Variants in LARGE1 observed in about 807,000 individuals in gnomAD.
LARGE1 encodes the protein xylosyl- and glucuronyltransferase LARGE1.
A neutral mutation model predicts 87.6 loss-of-function variants in LARGE1; 43 were observed. The observed-to-expected ratio is 0.49, with a 90% confidence interval of 0.38 to 0.63. LARGE1 has a LOEUF of 0.63. Among genes scored for constraint, LARGE1 ranks in the 30% least tolerant of loss-of-function variants. The pLI is 0.00. For synonymous variants in LARGE1, 434 were observed against 394.6 expected, an observed-to-expected ratio of 1.10 and a Z score of -1.18; for missense variants, 802 against 1,000.2, an observed-to-expected ratio of 0.80 and a Z score of 2.67.
chr22:33,746,634 G>A (rs563333575), intron 2 of LARGE1, among the ~76,000 whole-genome samples: 2 of 152,316 alleles, frequency 1.3e-5, no homozygotes, highest in African/African-American at 4.8e-5. Context: ...AAGGAAGTAT[G>A]CTATATAAAT....
At chr22:33,649,970 A>C (rs964221123) in intron 3 of LARGE1, among the ~76,000 whole-genome samples, 12 of 152,220 alleles carry the variant, frequency 7.9e-5, no homozygotes, top group Non-Finnish European at 1.5e-5. Context: ...GAGGTCTAAG[A>C]AAACTGCCCA....
chr22:33,396,285 C>T (rs901594927), intron 7 of LARGE1, among the ~76,000 whole-genome samples: 4 of 152,162 alleles, frequency 2.6e-5, no homozygotes, highest in African/African-American at 9.7e-5. Context: ...ATTCATAATC[C>T]AACAGAAAGT....
intron 6 of LARGE1, among the ~76,000 whole-genome samples, chr22:33,462,169 C>A (rs1258860394): frequency 2.6e-5 from 4 of 152,008 alleles, no homozygotes; most frequent in Admixed American, 6.5e-5. Flanking sequence ...ATAAATGTTG[C>A]AGAAGTAAAA....
chr22:33,732,980 C>T (rs1275704526), intron 2 of LARGE1: 2 of 152,440 alleles, frequency 1.3e-5, no homozygotes, highest in African/African-American at 2.4e-5. Flanking sequence ...TCAAGCCCTT[C>T]CTGATGACCA....
At chr22:33,232,823 T>C (rs905028480) in intron 11 of LARGE1, among the ~76,000 whole-genome samples, 1 of 152,172 alleles carries the variant, frequency 6.6e-6, no homozygotes, top group African/African-American at 2.4e-5. Context: ...GCTTGACTTA[T>C]GGACTCATAA....
intron 2 of LARGE1, among the ~76,000 whole-genome samples, chr22:33,754,537 C>G (rs573232025): frequency 5.3e-5 from 8 of 151,984 alleles, no homozygotes; most frequent in Non-Finnish European, 1.2e-4. Flanking sequence ...GGGGTTTCAC[C>G]GTATTCGCCA....
intron 6 of LARGE1, among the ~76,000 whole-genome samples, chr22:33,453,225 G>A (rs1028677405): frequency 6.6e-6 from 1 of 152,136 alleles, no homozygotes; most frequent in Non-Finnish European, 1.5e-5. Flanking sequence ...GACCAGCCTG[G>A]CCAATATGGT....
At chr22:33,515,384 G>T (rs1285478655) in intron 6 of LARGE1, among the ~76,000 whole-genome samples, 3 of 152,150 alleles carry the variant, frequency 2.0e-5, no homozygotes, top group African/African-American at 7.2e-5. Context: ...CATCCCTGCA[G>T]ACATCACATC....
chr22:33,766,938 A>ACTTCC, intron 1 of LARGE1, among the ~76,000 whole-genome samples: 1 of 30,914 alleles, frequency 3.2e-5, no homozygotes, highest in African/African-American at 1.1e-4. Flanking sequence ...ATATATATAT[A>ACTTCC]TATATATATA....
At chr22:33,158,184 A>G (rs1921925744), downstream of LARGE1, among the ~76,000 whole-genome samples, 1 of 152,196 alleles carries the variant, frequency 6.6e-6, no homozygotes, top group African/African-American at 2.4e-5. Context: ...GTGATGTGGT[A>G]TAATATTATT....
intron 7 of LARGE1, among the ~76,000 whole-genome samples, chr22:33,399,141 C>G (rs562387061): frequency 6.6e-6 from 1 of 152,094 alleles, no homozygotes; most frequent in African/African-American, 2.4e-5. Context: ...CGCTTCCCCC[C>G]GCCCCGACCA....
At chr22:33,539,253 A>G (rs575492052) in intron 6 of LARGE1, among the ~76,000 whole-genome samples, 2 of 102,756 alleles carry the variant, frequency 1.9e-5, no homozygotes, top group Non-Finnish European at 4.4e-5. Context: ...TTTCTGATTA[A>G]AAGAAAAAAA....
chr22:33,648,835 T>G (rs1014141048), intron 3 of LARGE1, among the ~76,000 whole-genome samples: 2 of 152,178 alleles, frequency 1.3e-5, no homozygotes, highest in African/African-American at 4.8e-5. Flanking sequence ...ATGACAGATG[T>G]AAGAACCAGA....
In LARGE1 at chr22:33,841,511, C is replaced by G. The variant is rs887247767; in HGVS notation, c.-83+78484G>C. 7.9e-5 allele frequency among the ~76,000 whole-genome samples: 12 copies of G among 152,302 alleles called. No homozygotes were observed. The East Asian group carries it at 2.1e-3, about 27-fold the overall frequency. Reference sequence around the variant, plus strand: ...AAGACAGCTACTAGGTTGGATGTAGCTACAATATCCGCAGCTCCAACCTCT... The same window carrying G: ...AAGACAGCTACTAGGTTGGATGTAGGTACAATATCCGCAGCTCCAACCTCT... On this transcript the variant is annotated intron_variant, in intron 1 of 14. Transcript: ENST00000397394.
the LARGE1 span, among the ~76,000 whole-genome samples, chr22:33,074,849 C>T: frequency 6.6e-6 from 1 of 152,142 alleles, no homozygotes; most frequent in East Asian, 1.9e-4. Flanking sequence ...AGCATGTTTT[C>T]TATATATTTG....
At chr22:33,295,868 G>T (rs776796697) in intron 12 of LARGE1, among the ~76,000 whole-genome samples, 1 of 152,178 alleles carries the variant, frequency 6.6e-6, no homozygotes, top group South Asian at 2.1e-4. Context: ...AGCAAGATCC[G>T]GTGATTCCTT....
At chr22:33,820,530 C>T (rs941986078) in intron 1 of LARGE1, among the ~76,000 whole-genome samples, 1 of 151,994 alleles carries the variant, frequency 6.6e-6, no homozygotes, top group South Asian at 2.1e-4. Context: ...TCTCGTGGTG[C>T]TGCCCAAAGT....
At chr22:33,897,845 T>A (rs1369976162) in intron 1 of LARGE1, among the ~76,000 whole-genome samples, 1 of 152,168 alleles carries the variant, frequency 6.6e-6, no homozygotes, top group African/African-American at 2.4e-5. Flanking sequence ...GGTTTTCCCA[T>A]CATTGTTTTA....
At chr22:33,277,664 G>A (rs962607939) in intron 13 of LARGE1, among the ~76,000 whole-genome samples, 1 of 152,174 alleles carries the variant, frequency 6.6e-6, no homozygotes, top group Admixed American at 6.5e-5. Flanking sequence ...AGGACCTCAG[G>A]GAAGAAGCAT....
Sources: allele counts gnomAD v4.1 joint callset (sites outside exome capture counted in the v4.1 genomes callset), GRCh38; gene constraint gnomAD v4.1.1; transcripts MANE v1.5; gene names NCBI Gene and HGNC (gene_info 2026-07-23, HGNC 2026-07-21).